Variants in CSNK2A2 observed in about 807,000 individuals in gnomAD.
CSNK2A2 encodes casein kinase II subunit alpha'.
CSNK2A2 carries 8 observed loss-of-function variants against 54.0 expected under a neutral mutation model. That is an observed-to-expected ratio of 0.15 (90% CI 0.09 to 0.27). CSNK2A2 has a LOEUF of 0.27. Ranked by LOEUF, CSNK2A2 falls within the 10% of genes least tolerant of loss-of-function variation. The pLI is 1.00. For synonymous variants in CSNK2A2, 141 were observed against 153.9 expected, an observed-to-expected ratio of 0.92 and a Z score of 0.62; for missense variants, 242 against 439.4, an observed-to-expected ratio of 0.55 and a Z score of 4.02.
At chr16:58,171,461 T>C (rs1224666826) in intron 5 of CSNK2A2, among the ~76,000 whole-genome samples, 2 of 151,930 alleles carry the variant, frequency 1.3e-5, no homozygotes, top group African/African-American at 4.8e-5. Context: ...AGGTGGAGGT[T>C]GCAGTGAGCC....
chr16:58,178,971 C>CA (rs1467768027), intron 4 of CSNK2A2, among the ~76,000 whole-genome samples: 1 of 152,142 alleles, frequency 6.6e-6, no homozygotes, highest in African/African-American at 2.4e-5. Flanking sequence ...CACACATTCA[C>CA]AAACACACAG....
At chr16:58,182,575 A>G (rs1055046524) in intron 4 of CSNK2A2, among the ~76,000 whole-genome samples, 4 of 148,112 alleles carry the variant, frequency 2.7e-5, no homozygotes, top group East Asian at 2.0e-4. Context: ...AAAAAAAAAC[A>G]AAACCACAAA....
intron 4 of CSNK2A2, among the ~76,000 whole-genome samples, chr16:58,180,078 C>CAAAAAAAAA (rs71385152): frequency 2.2e-5 from 2 of 91,008 alleles, no homozygotes; most frequent in Non-Finnish European, 4.7e-5. Flanking sequence ...GACTCCTTCT[C>CAAAAAAAAA]AAAAAAAAAA....
intron 6 of CSNK2A2, 33 bp from the exon 7 acceptor site, chr16:58,167,828 G>C: frequency 6.4e-7 from 1 of 1,558,724 alleles, no homozygotes; most frequent in Middle Eastern, 1.7e-4. Context: ...CATGTGAAAG[G>C]AGTGTTTCTA....
intron 4 of CSNK2A2, among the ~76,000 whole-genome samples, chr16:58,180,823 A>G (rs762681896): frequency 2.6e-5 from 4 of 152,214 alleles, no homozygotes; most frequent in Admixed American, 6.5e-5. Flanking sequence ...ATAATCTTAA[A>G]ACCAGTTATT....
At chr16:58,185,242 G>C (rs1038287035) in intron 3 of CSNK2A2, among the ~76,000 whole-genome samples, 2 of 151,998 alleles carry the variant, frequency 1.3e-5, no homozygotes, top group South Asian at 2.1e-4. Context: ...AGATCTCTGC[G>C]AGGACAACTC....
intron 4 of CSNK2A2, among the ~76,000 whole-genome samples, chr16:58,177,220 C>T (rs557599545): frequency 1.3e-5 from 2 of 152,302 alleles, no homozygotes; most frequent in Admixed American, 6.5e-5. Context: ...AACAGAAGCA[C>T]TCTTCCAAGA....
rs756487076 is a variant in CSNK2A2, at chr16:58,197,591, G to A, written c.104+42C>T. 2.2e-6 allele frequency: 3 copies of A among 1,379,308 alleles called. No individual in the cohort carries two copies. Among genetic ancestry groups the A allele is most frequent in the Non-Finnish European group, 9.9e-7 (1 of 1,009,668 alleles). 85.4% of individuals were successfully genotyped at this position (1,379,308 alleles called of 1,614,324 possible). A position where few individuals can be genotyped will look rare whatever the true frequency, so the allele number is the denominator to read the frequency against. ...GTTCGCAGGGGGTGGCCGGGCGGGG[G>A]CAGGGATCAGCGGGCCCGGCGGGGG... On this transcript the variant is annotated intron_variant, in intron 1 of 11. Coordinates refer to ENST00000262506, the MANE Select transcript of CSNK2A2 (RefSeq NM_001896.4). This position sits in a 1 kb window ranked among gnomAD's most constrained non-coding sequence, Gnocchi z 4.0.
intron 4 of CSNK2A2, among the ~76,000 whole-genome samples, chr16:58,178,610 T>C (rs899981844): frequency 2.0e-5 from 3 of 152,214 alleles, no homozygotes; most frequent in Non-Finnish European, 4.4e-5. Context: ...GGGAGGTTGC[T>C]ACAATTATTC....
intron 4 of CSNK2A2, 65 bp from the exon 5 acceptor site, chr16:58,174,575 A>C: frequency 7.6e-7 from 1 of 1,322,120 alleles, no homozygotes; most frequent in Non-Finnish European, 1.1e-6. Context: ...TCCTAAGTGC[A>C]GGCCATTCTC....
At chr16:58,179,830 A>C (rs1180576001) in intron 4 of CSNK2A2, among the ~76,000 whole-genome samples, 2 of 152,194 alleles carry the variant, frequency 1.3e-5, no homozygotes, top group Admixed American at 1.3e-4. Flanking sequence ...CTGTAATCCC[A>C]GCACTTTGGG....
At chr16:58,180,894 C>T (rs554725784) in intron 4 of CSNK2A2, among the ~76,000 whole-genome samples, 98 of 152,176 alleles carry the variant, frequency 6.4e-4, no homozygotes, top group Middle Eastern at 3.4e-3. Context: ...AAGATGGACA[C>T]AGGACAAAAT....
intron 10 of CSNK2A2, among the ~76,000 whole-genome samples, chr16:58,165,271 T>C (rs1961533016): frequency 6.6e-6 from 1 of 152,242 alleles, no homozygotes; most frequent in African/African-American, 2.4e-5. Context: ...AATATATGTA[T>C]GTTTAAAAAG....
chr16:58,181,247 A>G (rs939589839), intron 4 of CSNK2A2, among the ~76,000 whole-genome samples: 1 of 152,260 alleles, frequency 6.6e-6, no homozygotes, highest in Non-Finnish European at 1.5e-5. Flanking sequence ...GGCCAAAAGC[A>G]AACAGCTTCA....
chr16:58,176,936 C>T (rs1210069298), intron 4 of CSNK2A2, among the ~76,000 whole-genome samples: 2 of 152,178 alleles, frequency 1.3e-5, no homozygotes, highest in East Asian at 1.9e-4. Flanking sequence ...CCCTGTGCTT[C>T]GTGGCATACA....
intron 10 of CSNK2A2, among the ~76,000 whole-genome samples, chr16:58,164,638 A>G (rs544951189): frequency 6.6e-6 from 1 of 152,322 alleles, no homozygotes; most frequent in South Asian, 2.1e-4. Context: ...TGTCATAAAC[A>G]TCAGTATTCC....
intron 10 of CSNK2A2, among the ~76,000 whole-genome samples, chr16:58,164,904 C>T (rs37359): frequency 0.37 from 56,737 of 152,122 alleles, 11,086 homozygotes; most frequent in Non-Finnish European, 0.45. Context: ...AAGGGGTGAA[C>T]GTTTCCCTCT....
chr16:58,191,505 G>C (rs1962320488), intron 2 of CSNK2A2, among the ~76,000 whole-genome samples: 1 of 152,050 alleles, frequency 6.6e-6, no homozygotes, highest in Non-Finnish European at 1.5e-5. Context: ...GGGATTACAG[G>C]CACCCGCCAC....
At chr16:58,182,529 T>C (rs1429144623) in intron 4 of CSNK2A2, among the ~76,000 whole-genome samples, 1 of 133,574 alleles carries the variant, frequency 7.5e-6, no homozygotes, top group Non-Finnish European at 1.5e-5. Context: ...CACTCCAGCC[T>C]AGGCGACAGA....
Sources: gnomAD v4.1 joint callset for allele counts (sites outside exome capture counted in the v4.1 genomes callset) on GRCh38, gnomAD v4.1.1 for gene constraint, Gnocchi (gnomAD v3.1) non-coding constraint, MANE v1.5 for transcripts, NCBI Gene and HGNC (gene_info 2026-07-23, HGNC 2026-07-21) for gene names.